Variants in FAM167A observed in about 807,000 individuals in gnomAD.
The protein encoded by FAM167A is protein FAM167A.
A neutral mutation model predicts 14.9 loss-of-function variants in FAM167A; 23 were observed. The observed-to-expected ratio is 1.55, with a 90% CI of 1.11 to 2.19. The LOEUF is 2.19. Among genes scored for constraint, FAM167A ranks in the 30% most tolerant of loss-of-function variants. The pLI, the probability that FAM167A is intolerant of heterozygous loss-of-function variation, is 0.00. For missense variants in FAM167A, 401 were observed against 281.5 expected (o/e 1.42, Z -3.04); for synonymous variants, 174 against 117.7 (o/e 1.48, Z -3.10).
chr8:11,455,074 C>T (rs145145378), intron 1 of FAM167A, among the ~76,000 whole-genome samples: 14 of 152,352 alleles, frequency 9.2e-5, no homozygotes, highest in South Asian at 2.1e-4. Flanking sequence ...GACATCCTGC[C>T]GAGACCTGAC....
chr8:11,424,175 TCA>T lies in FAM167A; in HGVS notation c.*196_*197del, dbSNP rs1460249532. On this transcript the variant is annotated 3_prime_UTR_variant, in exon 3 of 3. Coordinates refer to ENST00000284486, the MANE Select transcript of FAM167A (RefSeq NM_053279.3). ...TCTTTGGGTAGTAAGCAAGAGCCAG[TCA>T]CAGAGACACTGGCATCCACACCCAG... 8 of 634,096 alleles carry T rather than the reference TCA, an allele frequency of 1.3e-5. No individual in the cohort carries two copies. In the East Asian group the frequency reaches 1.7e-4, roughly 13 times the overall value. The allele number at this position is 634,096 out of a possible 1,614,324, so 39.3% of individuals were successfully genotyped here.
chr8:11,431,018 T>G (rs1175259573), intron 2 of FAM167A, among the ~76,000 whole-genome samples: 1 of 152,110 alleles, frequency 6.6e-6, no homozygotes, highest in Non-Finnish European at 1.5e-5. Flanking sequence ...CCCGGAAAGT[T>G]AAACAGAATT....
At chr8:11,432,219 C>A (rs553931657) in intron 2 of FAM167A, among the ~76,000 whole-genome samples, 1 of 152,080 alleles carries the variant, frequency 6.6e-6, no homozygotes, top group African/African-American at 2.4e-5. Flanking sequence ...GGGTCTAAAA[C>A]GGCCCAAAGA....
At chr8:11,460,984 G>A (rs931504793) in intron 1 of FAM167A, among the ~76,000 whole-genome samples, 9 of 152,256 alleles carry the variant, frequency 5.9e-5, no homozygotes, top group Admixed American at 2.0e-4. Context: ...CAGTCCTCCT[G>A]CAGGAAGGCT....
chr8:11,429,369 G>A (rs1805413861), intron 2 of FAM167A, among the ~76,000 whole-genome samples: 2 of 152,216 alleles, frequency 1.3e-5, no homozygotes, highest in South Asian at 2.1e-4. Context: ...GCGGTTGCCC[G>A]GGAAGGCACA....
At chr8:11,441,747 C>G (rs76263169) in intron 2 of FAM167A, among the ~76,000 whole-genome samples, 4,217 of 152,250 alleles carry the variant, frequency 0.028, 185 homozygotes, top group African/African-American at 0.095. Flanking sequence ...ACAGTGAGGG[C>G]AATCATGTAG....
Position 11,421,712 on chromosome 8 carries a change from C to T in FAM167A, c.*2661G>A, listed in dbSNP as rs73663131. ...GCCCCTGAAGGCATCAAGACATGAC[C>T]ACGCATGGCAGTGTCGGTGGAGAGT... On this transcript the variant is annotated 3_prime_UTR_variant, in exon 3 of 3. Coordinates refer to ENST00000284486, the MANE Select transcript of FAM167A (RefSeq NM_053279.3). The T allele has an allele frequency of 0.061, 24,190 of 398,896 alleles. 1,260 individuals carry two copies. Among genetic ancestry groups the T allele is most frequent in the African/African-American group, 0.19 (9,128 of 48,668 alleles). 24.7% of individuals were successfully genotyped at this position (398,896 alleles called of 1,614,324 possible).
chr8:11,435,398 C>T lies in FAM167A; in HGVS notation c.381+8633G>A, dbSNP rs946004419. 1.8e-4 allele frequency among the ~76,000 whole-genome samples: 27 copies of T among 152,372 alleles called. No individual in the cohort carries two copies. The East Asian group carries it at 1.9e-3, about 11-fold the overall frequency. Reference sequence around the variant, plus strand: ...AGATGACAAAACACCAGAGGAGAGACAGAGACTGGGGCCACCACAGTGCCT... The same window carrying T: ...AGATGACAAAACACCAGAGGAGAGATAGAGACTGGGGCCACCACAGTGCCT... On this transcript the variant is annotated intron_variant, in intron 2 of 2. Coordinates refer to ENST00000284486, the MANE Select transcript of FAM167A (RefSeq NM_053279.3).
intron 1 of FAM167A, among the ~76,000 whole-genome samples, chr8:11,463,069 C>T (rs1351195684): frequency 1.3e-5 from 2 of 152,136 alleles, no homozygotes; most frequent in African/African-American, 2.4e-5. Flanking sequence ...TGTATGGACT[C>T]CGCTGGACTT....
At chr8:11,464,663 C>T (rs986581747) in intron 1 of FAM167A, among the ~76,000 whole-genome samples, 2 of 152,214 alleles carry the variant, frequency 1.3e-5, no homozygotes, top group African/African-American at 4.8e-5. Flanking sequence ...TGCTCAGTTA[C>T]TCATTTTCCG....
intron 1 of FAM167A, among the ~76,000 whole-genome samples, chr8:11,449,932 C>T (rs544603415): frequency 2.3e-4 from 35 of 152,304 alleles, no homozygotes; most frequent in African/African-American, 8.2e-4. Flanking sequence ...TCCACTTCCT[C>T]GATGGGCTCC....
In FAM167A at chr8:11,424,008, T is replaced by G; in HGVS notation, c.*365A>C. The G allele has an allele frequency of 1.3e-5, 3 of 227,392 alleles. No individual in the cohort carries two copies. The highest frequency in any genetic ancestry group is 2.6e-5 in the Non-Finnish European group (3 of 114,536). 14.1% of individuals were successfully genotyped at this position (227,392 alleles called of 1,614,324 possible). ...ACAGCCTTCTGCAAAAATGACAGCT[T>G]TGTTGGGGGGCCTCCCTTTGGGAAT... On this transcript the variant is annotated 3_prime_UTR_variant, in exon 3 of 3. Transcript: ENST00000284486.
chr8:11,441,872 A>G (rs920011574), intron 2 of FAM167A, among the ~76,000 whole-genome samples: 18 of 152,022 alleles, frequency 1.2e-4, no homozygotes, highest in African/African-American at 3.4e-4. Context: ...TGTGATTTAC[A>G]TTTTTGGGAA....
intron 1 of FAM167A, among the ~76,000 whole-genome samples, chr8:11,464,010 G>A (rs890894522): frequency 6.6e-6 from 1 of 152,208 alleles, no homozygotes; most frequent in African/African-American, 2.4e-5. Context: ...TGCTAGAGAA[G>A]AGAGGCCCCC....
chr8:11,468,408 G>T (rs1359279529), upstream of FAM167A, among the ~76,000 whole-genome samples: 1 of 152,234 alleles, frequency 6.6e-6, no homozygotes, highest in Non-Finnish European at 1.5e-5. Context: ...CAGGTTACAG[G>T]TGCTGGCAGC....
chr8:11,444,320 T>C lies in FAM167A; in HGVS notation c.92A>G (p.Lys31Arg), dbSNP rs1806644226. 6.2e-7 allele frequency: 1 copy of C among 1,612,064 alleles called. No homozygotes were observed. Among genetic ancestry groups the C allele is most frequent in the East Asian group, 2.2e-5 (1 of 44,828 alleles). The change falls in exon 2 of 3, where the codon AAG becomes AGG. Residue 31 changes from lysine to arginine, a missense_variant. Physicochemically the swap from Lys to Arg is conservative, Grantham distance 26 (BLOSUM62 2). Coordinates refer to ENST00000284486, the MANE Select transcript of FAM167A (RefSeq NM_053279.3). ...APPDDHLRSL[K>R]ALTEKLRLET... is the part of the protein sequence containing the mutation. The stretch of plus-strand genomic sequence containing the variant: ...CAGCCTCAGTTTCTCGGTGAGGGCC[T>C]TCAGGCTCCGGAGGTGGTCATCGGG...
intron 1 of FAM167A, among the ~76,000 whole-genome samples, chr8:11,474,132 C>T (rs1797796466): frequency 6.6e-6 from 1 of 152,224 alleles, no homozygotes; most frequent in Non-Finnish European, 1.5e-5. Context: ...GCCTTGGCCT[C>T]CCAAAGTGCT....
rs988869930 is a variant in FAM167A, at chr8:11,445,670, G to A, written c.-397-862C>T. 3 of 954,722 alleles carry A rather than the reference G, an allele frequency of 3.1e-6. No individual in the cohort carries two copies. In the Admixed American group the frequency reaches 1.8e-4, roughly 59 times the overall value. The allele number at this position is 954,722 out of a possible 1,614,324, so 59.1% of individuals were successfully genotyped here. On this transcript the variant is annotated intron_variant, in intron 1 of 2. Coordinates refer to ENST00000284486, the MANE Select transcript of FAM167A (RefSeq NM_053279.3). ...TCCTACCCCATAACATCAGACACAG[G>A]GTAGAAATCTAACTCCCAGTAAGAA...
At chr8:11,443,979 A>C in intron 2 of FAM167A, 52 bp downstream of exon 2, 1 of 1,561,206 alleles carries the variant, frequency 6.4e-7, no homozygotes. Flanking sequence ...AAAGACACAG[A>C]GAGACGGTGG....
Sources: gnomAD v4.1 joint callset for allele counts (sites outside exome capture counted in the v4.1 genomes callset) on GRCh38, gnomAD v4.1.1 for gene constraint, MANE v1.5 for transcripts, NCBI Gene and HGNC (gene_info 2026-07-23, HGNC 2026-07-21) for gene names.